Variants in ZNF248 observed in about 807,000 individuals in gnomAD.
ZNF248 encodes the protein KRAB protein domain.
ZNF248 carries 20 observed loss-of-function variants against 44.3 expected under a neutral mutation model. The ratio of observed to expected loss-of-function variants is 0.45; its 90% CI spans 0.32 to 0.66. The LOEUF is 0.66. ZNF248 is among the 30% of genes least tolerant of loss of function. The probability of loss-of-function intolerance (pLI) is 0.04; values close to 1 mark genes in which losing one functional copy is unlikely to be tolerated. For missense variants in ZNF248, 654 were observed against 677.0 expected (o/e 0.97, Z 0.38); for synonymous variants, 224 against 229.0 (o/e 0.98, Z 0.20).
chr10:37,795,856 TAA>T (rs972368164), intron 6 of ZNF248: 27 of 152,350 alleles, frequency 1.8e-4, no homozygotes, highest in Admixed American at 1.6e-3. Flanking sequence ...GCCTTCCACG[TAA>T]AGTCTTTTTA....
At position 37,833,034 on chromosome 10, in the gene ZNF248, G is replaced by A; in HGVS notation, c.321C>T (p.Asn107=). Residue 107 remains asparagine (N), a synonymous_variant, in exon 6 of 6, where the codon AAC becomes AAT. Coordinates refer to ENST00000395867, the MANE Select transcript of ZNF248 (RefSeq NM_021045.3). Reference sequence around the variant, plus strand: ...CATTTTCTACACTTACTGTTTTGTTGTTGTGGAATAGAAGCTCCCAAAAAT... The same window carrying A: ...CATTTTCTACACTTACTGTTTTGTTATTGTGGAATAGAAGCTCCCAAAAAT... ...DDHFWELLFH[N]NKTVSVENGD... The A allele has an allele frequency of 6.2e-7, 1 of 1,613,498 alleles. No homozygotes were observed. Among genetic ancestry groups the A allele is most frequent in the Admixed American group, 1.7e-5 (1 of 59,938 alleles).
chr10:37,854,299 T>C (rs1309147512), intron 3 of ZNF248, among the ~76,000 whole-genome samples: 1 of 151,776 alleles, frequency 6.6e-6, no homozygotes, highest in Non-Finnish European at 1.5e-5. Context: ...TGAACAATTA[T>C]CAAAAGACAA....
intron 6 of ZNF248, among the ~76,000 whole-genome samples, chr10:37,815,040 CAT>C (rs1437589380): frequency 5.9e-5 from 9 of 152,206 alleles, no homozygotes; most frequent in Admixed American, 2.0e-4. Context: ...TGGTGTCCCA[CAT>C]GTCTCTTAGG....
intron 6 of ZNF248, chr10:37,820,800 C>T: frequency 8.6e-7 from 1 of 1,164,682 alleles, no homozygotes; most frequent in Non-Finnish European, 1.3e-6. Context: ...CTTCATTTTG[C>T]CTTTTGTTTC....
chr10:37,808,932 T>G (rs575942151), intron 6 of ZNF248, among the ~76,000 whole-genome samples: 1 of 152,302 alleles, frequency 6.6e-6, no homozygotes, highest in Admixed American at 6.5e-5. Flanking sequence ...AATTTTCTAT[T>G]TCTTCATGAG....
intron 3 of ZNF248, among the ~76,000 whole-genome samples, chr10:37,855,182 A>G (rs1365243956): frequency 6.6e-6 from 1 of 152,214 alleles, no homozygotes; most frequent in Non-Finnish European, 1.5e-5. Flanking sequence ...TGGTAGGTTG[A>G]CCATACATTC....
the ZNF248 span, among the ~76,000 whole-genome samples, chr10:37,762,272 A>G: frequency 2.0e-5 from 3 of 152,202 alleles, no homozygotes; most frequent in Non-Finnish European, 2.9e-5. Context: ...TAACACTTGG[A>G]ATGTTCTACA....
At position 37,832,257 on chromosome 10, in the gene ZNF248, A is replaced by T; in HGVS notation, c.1098T>A (p.His366Gln). The change falls in exon 6 of 6, where the codon CAT (histidine) becomes CAA (glutamine). Residue 366 changes from histidine to glutamine, a missense_variant. Transcript: ENST00000395867. ...TGTGAGCTCTCCGAAGCTGGGTAAG[A>T]TGTGACTTCTTGCTGAAATTACTCC... ...ENGSNFSKKS[H>Q]LTQLRRAHTG... The T allele has an allele frequency of 6.2e-7, 1 of 1,614,034 alleles. No individual in the cohort carries two copies. Among genetic ancestry groups the T allele is most frequent in the Non-Finnish European group, 8.5e-7 (1 of 1,179,940 alleles).
intron 3 of ZNF248, among the ~76,000 whole-genome samples, chr10:37,850,103 G>T (rs1024427816): frequency 6.6e-6 from 1 of 152,050 alleles, no homozygotes; most frequent in Non-Finnish European, 1.5e-5. Flanking sequence ...AGCACCTCAG[G>T]CTTGTTTTCC....
chr10:37,800,760 T>C (rs1014118998), intron 6 of ZNF248, among the ~76,000 whole-genome samples: 5 of 145,032 alleles, frequency 3.4e-5, no homozygotes, highest in Admixed American at 2.9e-4. Flanking sequence ...TTAAACAACA[T>C]TTTTTCTTTT....
chr10:37,765,297 G>A, the ZNF248 span, among the ~76,000 whole-genome samples: 1 of 152,104 alleles, frequency 6.6e-6, no homozygotes, highest in Non-Finnish European at 1.5e-5. Flanking sequence ...GAGCTGTTTA[G>A]GGAATGGAAT....
At chr10:37,782,315 G>T (rs961069714) in intron 6 of ZNF248, among the ~76,000 whole-genome samples, 1 of 152,204 alleles carries the variant, frequency 6.6e-6, no homozygotes, top group African/African-American at 2.4e-5. Context: ...TGATTTACAA[G>T]ATTGGATTTA....
intron 6 of ZNF248, among the ~76,000 whole-genome samples, chr10:37,804,095 C>CTTTTCT (rs2050178358): frequency 1.9e-5 from 1 of 51,778 alleles, no homozygotes; most frequent in Non-Finnish European, 3.8e-5. Context: ...TTTCCTTTTT[C>CTTTTCT]TTTTTCTTTT....
At chr10:37,780,539 G>A (rs1360674756) in intron 6 of ZNF248, among the ~76,000 whole-genome samples, 1 of 152,154 alleles carries the variant, frequency 6.6e-6, no homozygotes, top group Admixed American at 6.5e-5. Flanking sequence ...AGACTTAAAC[G>A]ACTCTTCTTG....
At chr10:37,779,882 G>C (rs1279932478) in intron 6 of ZNF248, among the ~76,000 whole-genome samples, 3 of 150,940 alleles carry the variant, frequency 2.0e-5, no homozygotes, top group Non-Finnish European at 1.5e-5. Flanking sequence ...CAGACAAACA[G>C]AGAGCCAAAT....
chr10:37,796,066 G>C (rs1436820277), intron 6 of ZNF248: 1 of 152,060 alleles, frequency 6.6e-6, no homozygotes, highest in Non-Finnish European at 1.5e-5. Context: ...CTCTCAGGAA[G>C]AAAATGCAAA....
At chr10:37,833,597 T>C (rs971420822) in intron 5 of ZNF248, among the ~76,000 whole-genome samples, 3 of 152,128 alleles carry the variant, frequency 2.0e-5, no homozygotes, top group Non-Finnish European at 4.4e-5. Context: ...GGGGTAGAAT[T>C]CCCACCAGAG....
intron 6 of ZNF248, among the ~76,000 whole-genome samples, chr10:37,797,234 T>TA (rs1300015818): frequency 2.7e-5 from 4 of 150,942 alleles, no homozygotes; most frequent in Non-Finnish European, 4.4e-5. Flanking sequence ...AAGATCTAGA[T>TA]ATGTTTCAGG....
At chr10:37,761,942 G>T in the ZNF248 span, among the ~76,000 whole-genome samples, 1 of 152,168 alleles carries the variant, frequency 6.6e-6, no homozygotes, top group East Asian at 1.9e-4. Context: ...GCTATTGTCA[G>T]ATCTTACCTC....
Sources: allele counts gnomAD v4.1 joint callset (sites outside exome capture counted in the v4.1 genomes callset), GRCh38; gene constraint gnomAD v4.1.1; transcripts MANE v1.5; gene names NCBI Gene and HGNC (gene_info 2026-07-23, HGNC 2026-07-21).